CTSH: variants seen among roughly 807,000 people sequenced by gnomAD.
CTSH encodes the protein cathepsin H.
CTSH carries 52 observed loss-of-function variants against 56.3 expected under a neutral mutation model. The observed-to-expected ratio is 0.92, with a 90% CI of 0.74 to 1.16. The LOEUF is 1.16. Ranked by LOEUF, CTSH falls within the 50% of genes most tolerant of loss-of-function variation. CTSH has a pLI of 0.00. For missense variants in CTSH, 406 were observed against 424.5 expected, an observed-to-expected ratio of 0.96 and a Z score of 0.38; for synonymous variants, 174 against 155.7, an observed-to-expected ratio of 1.12 and a Z score of -0.88.
At chr15:78,938,722 G>A (rs1304720889) in intron 2 of CTSH, among the ~76,000 whole-genome samples, 1 of 152,168 alleles carries the variant, frequency 6.6e-6, no homozygotes, top group Non-Finnish European at 1.5e-5. Flanking sequence ...ATAAACATGA[G>A]GGTGCAGATA....
Position 78,929,398 on chromosome 15 carries a change from GCTGTTGGAGTTACCTTGCC to G in CTSH, c.625_630+13del, listed in dbSNP as rs1567357136. On this transcript the variant is annotated splice_donor_variant and splice_donor_5th_base_variant and coding_sequence_variant and intron_variant, in exon 8 of 12. Coordinates refer to ENST00000220166, the MANE Select transcript of CTSH (RefSeq NM_004390.5). LOFTEE classifies it high-confidence loss of function. ...TGTACGCCAAGAAGACAGAGTGGAG[GCTGTTGGAGTTACCTTGCC>G]CTGGTAGGGGTAGGTGTCTTCACCC... The G allele has an allele frequency of 6.2e-7, 1 of 1,602,226 alleles. No homozygotes were observed. Among genetic ancestry groups the G allele is most frequent in the South Asian group, 1.1e-5 (1 of 90,418 alleles).
At chr15:78,935,907 A>G (rs1329781847) in intron 3 of CTSH, among the ~76,000 whole-genome samples, 157 bp from the exon 4 acceptor site, 1 of 152,218 alleles carries the variant, frequency 6.6e-6, no homozygotes, top group African/African-American at 2.4e-5. Flanking sequence ...AATTCAGTAG[A>G]TAATTCAATC....
At chr15:78,925,574 CCTCT>C (rs1011367484) in intron 9 of CTSH, 134 bp from the exon 10 acceptor site, 1 of 617,726 alleles carries the variant, frequency 1.6e-6, no homozygotes, top group African/African-American at 1.8e-5. Context: ...TCCCCTGCGG[CCTCT>C]CTCCCTTCCT....
At chr15:78,931,958 C>T in intron 6 of CTSH, 1 of 1,155,026 alleles carries the variant, frequency 8.7e-7, no homozygotes, top group Non-Finnish European at 1.1e-6. Flanking sequence ...AGGATAGTTC[C>T]TTCAGGGGCA....
intron 3 of CTSH, among the ~76,000 whole-genome samples, chr15:78,936,093 C>G (rs1359175576): frequency 6.6e-6 from 1 of 152,056 alleles, no homozygotes; most frequent in African/African-American, 2.4e-5. Context: ...TCCACTGGTG[C>G]CAGGGGCCTT....
At chr15:78,936,106 C>T (rs566711941) in intron 3 of CTSH, among the ~76,000 whole-genome samples, 2 of 152,054 alleles carry the variant, frequency 1.3e-5, no homozygotes, top group South Asian at 4.2e-4. Flanking sequence ...GGGGCCTTCC[C>T]ACCTGCTGCC....
chr15:78,944,010 C>T (rs74930904), intron 1 of CTSH, among the ~76,000 whole-genome samples: 1 of 152,220 alleles, frequency 6.6e-6, no homozygotes, highest in South Asian at 2.1e-4. Context: ...GATCTCTGTC[C>T]CATCCCCTGA....
At position 78,937,353 on chromosome 15, in the gene CTSH, A is replaced by T; in HGVS notation, c.194T>A (p.Ile65Lys). 1 of 1,614,012 alleles carries T rather than the reference A, an allele frequency of 6.2e-7. No homozygotes were observed. Among genetic ancestry groups the T allele is most frequent in the Non-Finnish European group, 8.5e-7 (1 of 1,179,966 alleles). Residue 65 changes from isoleucine to lysine, a missense_variant, in exon 3 of 12, where the codon ATA becomes AAA. Transcript: ENST00000220166. The part of the protein sequence containing the change: ...LQTFASNWRK[I>K]NAHNNGNHTF... The stretch of plus-strand genomic sequence containing the variant: ...GTGGTTCCCATTGTTGTGGGCGTTT[A>T]TCTTCCTCCAGTTGCTGGCAAACGT...
chr15:78,929,354 G>A lies in CTSH; in HGVS notation c.630+58C>T. ...AGGGATGTCTTCCAAGGCTGGGGAG[G>A]GAGTGAAGCTAGGCATGCTGTACGC... is the stretch of plus-strand genomic sequence containing the variant. On this transcript the variant is annotated intron_variant, in intron 8 of 11. Transcript: ENST00000220166. 3 of 1,302,352 alleles carry A rather than the reference G, an allele frequency of 2.3e-6. No homozygotes were observed. The South Asian group carries it at 3.6e-5, about 16-fold the overall frequency. The allele number at this position is 1,302,352 out of a possible 1,614,324, so 80.7% of individuals were successfully genotyped here. A position where few individuals can be genotyped will look rare whatever the true frequency, so the allele number is the denominator to read the frequency against.
intron 3 of CTSH, among the ~76,000 whole-genome samples, chr15:78,936,179 TC>T (rs375179861): frequency 8.0e-6 from 1 of 124,346 alleles, no homozygotes. Context: ...TCTTTTCTTT[TC>T]TTTTTTTTTT....
intron 5 of CTSH, 84 bp from the exon 6 acceptor site, chr15:78,932,542 C>T: frequency 9.5e-7 from 1 of 1,049,038 alleles, no homozygotes; most frequent in Non-Finnish European, 1.5e-6. Flanking sequence ...TCTGCTGACC[C>T]TGCCAGAGCT....
rs1276595455 is a variant in CTSH at position 78,929,470 on chromosome 15, T to C, written c.572A>G (p.Glu191Gly). Residue 191 changes from glutamate (E) to glycine (G), a missense_variant, in exon 8 of 12, where the codon GAG becomes GGG. By Grantham distance (98) the Glu-to-Gly change is moderately conservative. Coordinates refer to ENST00000220166, the MANE Select transcript of CTSH (RefSeq NM_004390.5). Reference sequence around the variant, plus strand: ...GATCCCCTTGTTGTACAGGATATACTCGAAAGCCTGGCTGGGGAGACCCCT... The same window carrying C: ...GATCCCCTTGTTGTACAGGATATACCCGAAAGCCTGGCTGGGGAGACCCCT... ...CQGGLPSQAFEYILYNKGIMG... is the reference protein window; with the variant it reads ...CQGGLPSQAFGYILYNKGIMG... The C allele has an allele frequency of 3.7e-6, 6 of 1,611,320 alleles. No individual in the cohort carries two copies. Among genetic ancestry groups the C allele is most frequent in the Admixed American group, 1.7e-5 (1 of 59,720 alleles).
At chr15:78,922,699 C>T (rs1162184173) in intron 11 of CTSH, among the ~76,000 whole-genome samples, 1 of 152,216 alleles carries the variant, frequency 6.6e-6, no homozygotes, top group Non-Finnish European at 1.5e-5. Flanking sequence ...ACACTGATTT[C>T]GTGCCAGCAG....
In CTSH at chr15:78,927,790, G is replaced by A; in HGVS notation, c.631-9C>T. ...AACTTGCAATAACCATCCTGTTGAG[G>A]ATGCAAAGGGCATGAAATACAGGTT... On this transcript the variant is annotated splice_polypyrimidine_tract_variant and intron_variant, in intron 8 of 11. Coordinates refer to ENST00000220166, the MANE Select transcript of CTSH (RefSeq NM_004390.5). 6.2e-7 allele frequency: 1 copy of A among 1,613,586 alleles called. No homozygotes were observed. Among genetic ancestry groups the A allele is most frequent in the Non-Finnish European group, 8.5e-7 (1 of 1,179,482 alleles).
At position 78,923,016 on chromosome 15, in the gene CTSH, C is replaced by G. The variant is rs2054809017; in HGVS notation, c.909G>C (p.Trp303Cys). ...ACCCGTTCATTCCCCACTGGGGACC[C>G]CAAGAGTTTTTCACGATCCAGTAAG... The part of the protein sequence containing the change: ...GIPYWIVKNS[W>C]GPQWGMNGYF... Residue 303 changes from tryptophan (W) to cysteine (C), a missense_variant, in exon 11 of 12, where the codon TGG (tryptophan) becomes TGC (cysteine). By Grantham distance (215) the Trp-to-Cys change is radical (BLOSUM62 -2). Coordinates refer to ENST00000220166, the MANE Select transcript of CTSH (RefSeq NM_004390.5). The G allele has an allele frequency of 1.2e-6, 2 of 1,612,416 alleles. No individual in the cohort carries two copies. Among genetic ancestry groups the G allele is most frequent in the South Asian group, 1.1e-5 (1 of 90,746 alleles).
chr15:78,927,640 G>A, intron 9 of CTSH, 73 bp downstream of exon 9: 1 of 1,375,186 alleles, frequency 7.3e-7, no homozygotes, highest in African/African-American at 1.4e-5. Context: ...TGGGCCCACT[G>A]GCTATCCGAC....
chr15:78,944,219 C>T (rs2055347805), intron 1 of CTSH, among the ~76,000 whole-genome samples: 2 of 152,190 alleles, frequency 1.3e-5, no homozygotes, highest in South Asian at 4.1e-4. Flanking sequence ...GAAGAGCAGG[C>T]TCCTTGCCTT....
intron 8 of CTSH, among the ~76,000 whole-genome samples, chr15:78,928,664 C>T (rs557652580): frequency 2.0e-5 from 3 of 151,340 alleles, no homozygotes; most frequent in East Asian, 2.0e-4. Flanking sequence ...GGAGCCTCGG[C>T]GGCATTCTGA....
intron 9 of CTSH, 163 bp downstream of exon 9, chr15:78,927,550 C>T: frequency 1.6e-6 from 1 of 631,916 alleles, no homozygotes; most frequent in African/African-American, 1.8e-5. Context: ...CATCTCCTGC[C>T]TCGCCACCAT....
Sources: gnomAD v4.1 joint callset for allele counts (sites outside exome capture counted in the v4.1 genomes callset) on GRCh38, gnomAD v4.1.1 for gene constraint, MANE v1.5 for transcripts, NCBI Gene and HGNC (gene_info 2026-07-23, HGNC 2026-07-21) for gene names.